Variants in LRGUK observed in about 807,000 individuals in gnomAD.
LRGUK encodes leucine rich repeats and guanylate kinase domain containing.
A neutral mutation model predicts 76.0 loss-of-function variants in LRGUK; 65 were observed. The ratio of observed to expected loss-of-function variants is 0.85; its 90% CI spans 0.70 to 1.05. The LOEUF (loss-of-function observed/expected upper bound fraction) is 1.05, where lower values mean the gene tolerates loss of function less well. Ranked by LOEUF, LRGUK falls within the 50% of genes least tolerant of loss-of-function variation. The pLI is 0.00. For synonymous variants in LRGUK, 268 were observed against 265.6 expected (o/e 1.01, Z -0.09); for missense variants, 758 against 732.8 (o/e 1.03, Z -0.40).
chr7:134,254,488 A>G (rs925452211), intron 18 of LRGUK, among the ~76,000 whole-genome samples: 4 of 152,160 alleles, frequency 2.6e-5, no homozygotes, highest in African/African-American at 9.7e-5. Context: ...TGGTTTCCAG[A>G]TGCCATCTTG....
chr7:134,217,852 G>T (rs936576177), intron 15 of LRGUK, among the ~76,000 whole-genome samples: 1 of 151,778 alleles, frequency 6.6e-6, no homozygotes, highest in Non-Finnish European at 1.5e-5. Context: ...AATTTTACAG[G>T]TATTTACATC....
chr7:134,230,895 A>G lies in LRGUK; in HGVS notation c.1983+8977A>G, dbSNP rs542462626. The stretch of plus-strand genomic sequence containing the variant: ...ATCTCCAGAGGGGGAAAATGGTGGT[A>G]ATAGTTGAAAAGGGTCTTGAGGGAC... On this transcript the variant is annotated intron_variant, in intron 16 of 19. Coordinates refer to the LRGUK transcript ENST00000285928. Among the ~76,000 whole-genome samples the G allele has an allele frequency of 2.6e-5, 4 of 152,308 alleles. No homozygotes were observed. The South Asian group carries it at 8.3e-4, about 32-fold the overall frequency.
intron 18 of LRGUK, among the ~76,000 whole-genome samples, chr7:134,256,106 G>A (rs1410569671): frequency 6.6e-6 from 1 of 152,014 alleles, no homozygotes; most frequent in East Asian, 1.9e-4. Context: ...ATGCTTCCCT[G>A]CTCCTGCCTT....
intron 19 of LRGUK, among the ~76,000 whole-genome samples, chr7:134,259,443 T>C (rs537692153): frequency 1.3e-5 from 2 of 152,002 alleles, no homozygotes; most frequent in Non-Finnish European, 2.9e-5. Flanking sequence ...GAGCCACCAT[T>C]TGTAGTCTTG....
intron 4 of LRGUK, among the ~76,000 whole-genome samples, chr7:134,146,043 C>T (rs1041533086): frequency 2.6e-5 from 4 of 152,116 alleles, no homozygotes; most frequent in Non-Finnish European, 4.4e-5. Context: ...GAGGCTGACA[C>T]GGGTGGATCA....
At chr7:134,242,482 AC>A (rs1205466184) in intron 16 of LRGUK, among the ~76,000 whole-genome samples, 4 of 152,132 alleles carry the variant, frequency 2.6e-5, no homozygotes, top group Non-Finnish European at 5.9e-5. Flanking sequence ...GGACACATAC[AC>A]CCTCCCAAGA....
downstream of LRGUK, among the ~76,000 whole-genome samples, chr7:134,212,958 G>A (rs548787597): frequency 4.6e-5 from 7 of 152,274 alleles, no homozygotes; most frequent in Middle Eastern, 3.4e-3. Flanking sequence ...CACTGAATTC[G>A]GCCTGGGATA....
chr7:134,141,911 G>A (rs189225810), intron 3 of LRGUK, among the ~76,000 whole-genome samples: 1 of 152,284 alleles, frequency 6.6e-6, no homozygotes, highest in East Asian at 1.9e-4. Context: ...GGAAGGGCAT[G>A]GTTTCGTCCA....
chr7:134,219,009 C>T (rs1273627894), intron 15 of LRGUK, among the ~76,000 whole-genome samples: 2 of 152,028 alleles, frequency 1.3e-5, no homozygotes, highest in African/African-American at 4.8e-5. Context: ...TTTAACTAGC[C>T]TATATACTGA....
intron 5 of LRGUK, among the ~76,000 whole-genome samples, chr7:134,151,828 A>G (rs1019756946): frequency 1.1e-4 from 17 of 152,124 alleles, no homozygotes; most frequent in African/African-American, 3.6e-4. Context: ...AGACAATTTA[A>G]TAAAATCCAG....
At chr7:134,134,500 CA>C (rs1248276607) in intron 1 of LRGUK, among the ~76,000 whole-genome samples, 2 of 152,104 alleles carry the variant, frequency 1.3e-5, no homozygotes, top group African/African-American at 4.8e-5. Flanking sequence ...TCAGGAACAT[CA>C]GGAGGTGTGA....
intron 19 of LRGUK, among the ~76,000 whole-genome samples, chr7:134,260,110 G>A (rs1026279876): frequency 6.6e-6 from 1 of 151,852 alleles, no homozygotes; most frequent in Non-Finnish European, 1.5e-5. Context: ...CACAATATTG[G>A]GCAAATCAGT....
At chr7:134,143,034 C>T in intron 3 of LRGUK, 28 bp from the exon 4 acceptor site, 2 of 1,211,994 alleles carry the variant, frequency 1.7e-6, no homozygotes, top group African/African-American at 1.5e-5. Flanking sequence ...ATTGGCTTAC[C>T]TTATTCTGTA....
At chr7:134,256,911 A>C (rs1802598825) in intron 18 of LRGUK, among the ~76,000 whole-genome samples, 1 of 152,104 alleles carries the variant, frequency 6.6e-6, no homozygotes, top group African/African-American at 2.4e-5. Flanking sequence ...GAACCTCCTC[A>C]GTGTTAGAAT....
chr7:134,214,523 T>G (rs1385512302), downstream of LRGUK, among the ~76,000 whole-genome samples: 2 of 152,148 alleles, frequency 1.3e-5, no homozygotes, highest in African/African-American at 2.4e-5. Flanking sequence ...TAAGTTATGG[T>G]ATAGCTATAT....
At chr7:134,257,130 T>C (rs1802604437) in intron 18 of LRGUK, among the ~76,000 whole-genome samples, 1 of 152,174 alleles carries the variant, frequency 6.6e-6, no homozygotes, top group Non-Finnish European at 1.5e-5. Flanking sequence ...GAAATTTCAC[T>C]CAGTAAATTT....
chr7:134,246,898 T>C (rs890083544), intron 16 of LRGUK, among the ~76,000 whole-genome samples: 3 of 152,226 alleles, frequency 2.0e-5, no homozygotes, highest in African/African-American at 4.8e-5. Context: ...AGTTGCTAAA[T>C]AGGTCATACT....
intron 3 of LRGUK, among the ~76,000 whole-genome samples, chr7:134,142,642 G>GA (rs1440077855): frequency 2.6e-5 from 4 of 152,182 alleles, no homozygotes; most frequent in Admixed American, 1.3e-4. Context: ...CACTCTTTAT[G>GA]AAAAGATCTA....
the LRGUK span, among the ~76,000 whole-genome samples, chr7:134,271,922 T>C: frequency 2.0e-5 from 3 of 152,248 alleles, no homozygotes; most frequent in East Asian, 5.8e-4. Context: ...GTATTATAGA[T>C]AATTTCAGGA....
Sources: allele counts gnomAD v4.1 joint callset (sites outside exome capture counted in the v4.1 genomes callset), GRCh38; gene constraint gnomAD v4.1.1; transcripts MANE v1.5; gene names NCBI Gene and HGNC (gene_info 2026-07-23, HGNC 2026-07-21).